Variants in ZYG11B observed in about 807,000 individuals in gnomAD.
The protein encoded by ZYG11B is protein zyg-11 homolog B.
Under a neutral mutation model 82.4 loss-of-function variants are expected in ZYG11B, and 36 were observed. The ratio of observed to expected loss-of-function variants is 0.44; its 90% CI spans 0.33 to 0.58. The LOEUF (loss-of-function observed/expected upper bound fraction) is 0.58, where lower values mean the gene tolerates loss of function less well. ZYG11B is among the 20% of genes least tolerant of loss of function. ZYG11B has a pLI of 0.02. For synonymous variants in ZYG11B, 303 were observed against 312.8 expected (o/e 0.97, Z 0.33); for missense variants, 552 against 895.6 (o/e 0.62, Z 4.90).
chr1:52,741,332 A>G (rs992104232), intron 1 of ZYG11B, among the ~76,000 whole-genome samples: 4 of 151,404 alleles, frequency 2.6e-5, no homozygotes, highest in Admixed American at 2.6e-4. Context: ...AAAGAAAAGA[A>G]AGTTTTTTAA....
At position 52,821,784 on chromosome 1, in the gene ZYG11B, G is replaced by T. The variant is rs992215169; in HGVS notation, c.*155G>T. The T allele has an allele frequency of 4.0e-5, 22 of 546,430 alleles. No individual in the cohort carries two copies. Among genetic ancestry groups the T allele is most frequent in the African/African-American group, 3.4e-4 (18 of 52,496 alleles). 33.8% of individuals were successfully genotyped at this position (546,430 alleles called of 1,614,324 possible). On this transcript the variant is annotated 3_prime_UTR_variant, in exon 14 of 14. Transcript: ENST00000294353. Reference sequence around the variant, plus strand: ...ATGTGTAGTACTGCCCATGTGAACAGTCTCTAATTTGTCTTGTGATTTTAA... The same window carrying T: ...ATGTGTAGTACTGCCCATGTGAACATTCTCTAATTTGTCTTGTGATTTTAA...
chr1:52,812,095 A>G (rs763161634), intron 10 of ZYG11B, among the ~76,000 whole-genome samples: 5 of 151,660 alleles, frequency 3.3e-5, no homozygotes, highest in Non-Finnish European at 5.9e-5. Context: ...TTTATGTCTG[A>G]ATTATATTTA....
chr1:52,771,057 C>A lies in ZYG11B; in HGVS notation c.234C>A (p.Gly78=). ...ATGGAACTGTGGGTATTTTTAGGGGCAACCAGATGCGCTTAAAGCGAGCCT... is the reference window on the plus strand; with the variant it reads ...ATGGAACTGTGGGTATTTTTAGGGGAAACCAGATGCGCTTAAAGCGAGCCT... ...LNDGTVGIFR[G]NQMRLKRACI... is the part of the protein sequence containing the mutation. The change falls in exon 3 of 14, where the codon GGC becomes GGA. Residue 78 remains glycine (G), a synonymous_variant. Transcript: ENST00000294353. This position sits in a 1 kb window ranked among gnomAD's most constrained non-coding sequence, Gnocchi z 5.4. 2.5e-6 allele frequency: 4 copies of A among 1,613,624 alleles called. No homozygotes were observed.
At chr1:52,783,788 T>TTATATATATATATA (rs760749281) in intron 4 of ZYG11B, among the ~76,000 whole-genome samples, 6 of 51,512 alleles carry the variant, frequency 1.2e-4, no homozygotes, top group African/African-American at 5.0e-4. Flanking sequence ...ATGCCCAGCT[T>TTATATATATATATA]TATATATATA....
chr1:52,769,953 T>C (rs570623450), intron 2 of ZYG11B, among the ~76,000 whole-genome samples: 1 of 152,052 alleles, frequency 6.6e-6, no homozygotes. Context: ...GAGTATCATA[T>C]GCTTGTGACA....
rs1389954554 is a variant in ZYG11B at position 52,822,848 on chromosome 1, A to G, written c.*1219A>G. 1.3e-5 allele frequency: 2 copies of G among 152,216 alleles called. No homozygotes were observed. The highest frequency in any genetic ancestry group is 2.9e-5 in the Non-Finnish European group (2 of 68,030). The allele number at this position is 152,216 out of a possible 1,614,324, so 9.4% of individuals were successfully genotyped here. On this transcript the variant is annotated 3_prime_UTR_variant, in exon 14 of 14. Coordinates refer to ENST00000294353, the MANE Select transcript of ZYG11B (RefSeq NM_024646.3). ...ATAGTAAAGAATCACTTATATCAGTAATAGCACTTGAGAGATAGCAAGTCA... is the reference window on the plus strand; with the variant it reads ...ATAGTAAAGAATCACTTATATCAGTGATAGCACTTGAGAGATAGCAAGTCA...
intron 1 of ZYG11B, among the ~76,000 whole-genome samples, chr1:52,743,043 C>A (rs1406731604): frequency 6.6e-6 from 1 of 151,936 alleles, no homozygotes; most frequent in Non-Finnish European, 1.5e-5. Flanking sequence ...GCCGCCACCC[C>A]ATCTGGGAGG....
At chr1:52,759,568 CTTG>C (rs1223105249) in intron 2 of ZYG11B, among the ~76,000 whole-genome samples, 8 of 152,242 alleles carry the variant, frequency 5.3e-5, no homozygotes, top group East Asian at 1.9e-4. Flanking sequence ...AGAAAAATAA[CTTG>C]TTGTCCCTAA....
At chr1:52,767,019 A>T (rs1458491463) in intron 2 of ZYG11B, among the ~76,000 whole-genome samples, 1 of 150,214 alleles carries the variant, frequency 6.7e-6, no homozygotes, top group Non-Finnish European at 1.5e-5. Flanking sequence ...AAAAAAAAAA[A>T]TTATTTTATT....
chr1:52,779,811 A>G (rs1369190498), intron 3 of ZYG11B, 42 bp from the exon 4 acceptor site: 4 of 1,609,402 alleles, frequency 2.5e-6, no homozygotes, highest in Non-Finnish European at 3.4e-6. Context: ...TTAGATAGAG[A>G]AAGAGAGAGA....
intron 5 of ZYG11B, among the ~76,000 whole-genome samples, chr1:52,787,045 G>A (rs1181829658): frequency 4.0e-5 from 6 of 151,644 alleles, no homozygotes; most frequent in African/African-American, 1.2e-4. Context: ...AGCCAAGATC[G>A]CACCATTGAA....
intron 1 of ZYG11B, among the ~76,000 whole-genome samples, chr1:52,729,376 C>T (rs188800531): frequency 8.8e-4 from 134 of 152,238 alleles, no homozygotes; most frequent in Non-Finnish European, 1.7e-3. Flanking sequence ...AACTTTGCAT[C>T]TAATTAACTT....
intron 2 of ZYG11B, among the ~76,000 whole-genome samples, chr1:52,759,580 A>G (rs1287432644): frequency 2.6e-5 from 4 of 152,118 alleles, no homozygotes; most frequent in Non-Finnish European, 5.9e-5. Context: ...TGTTGTCCCT[A>G]ATTGTGTTAC....
intron 1 of ZYG11B, among the ~76,000 whole-genome samples, chr1:52,743,811 A>G (rs1644454343): frequency 6.6e-6 from 1 of 152,160 alleles, no homozygotes; most frequent in Non-Finnish European, 1.5e-5. Context: ...CACATTCACT[A>G]TCACTGATTC....
At position 52,827,192 on chromosome 1, in the gene ZYG11B, G is replaced by GT. The variant is rs1645331946; in HGVS notation, c.*5565dup. 1 of 152,218 alleles carries GT rather than the reference G, an allele frequency of 6.6e-6. No homozygotes were observed. Among genetic ancestry groups the GT allele is most frequent in the South Asian group, 2.1e-4 (1 of 4,832 alleles). 9.4% of individuals were successfully genotyped at this position (152,218 alleles called of 1,614,324 possible). A position where few individuals can be genotyped will look rare whatever the true frequency, so the allele number is the denominator to read the frequency against. ...CTCAATTATCTGGACTGAAGGCACTGTTCTCACTATGGCCAGATGAATGGG... is the reference window on the plus strand; with the variant it reads ...CTCAATTATCTGGACTGAAGGCACTGTTTCTCACTATGGCCAGATGAATGGG... On this transcript the variant is annotated 3_prime_UTR_variant, in exon 14 of 14. Transcript: ENST00000294353.
intron 13 of ZYG11B, among the ~76,000 whole-genome samples, chr1:52,819,389 C>T (rs923630287): frequency 1.3e-5 from 2 of 151,990 alleles, no homozygotes; most frequent in African/African-American, 4.8e-5. Flanking sequence ...AACAGTTGAT[C>T]CCATCATATT....
chr1:52,813,330 T>G (rs1262112008), intron 10 of ZYG11B, among the ~76,000 whole-genome samples: 1 of 152,180 alleles, frequency 6.6e-6, no homozygotes, highest in African/African-American at 2.4e-5. Flanking sequence ...CTATGATCTC[T>G]GTTTCAACAA....
chr1:52,735,697 C>T (rs913024087), intron 1 of ZYG11B, among the ~76,000 whole-genome samples: 7 of 151,964 alleles, frequency 4.6e-5, no homozygotes, highest in African/African-American at 9.7e-5. Context: ...CTGCCATGCC[C>T]GGCTAATTTT....
In ZYG11B at chr1:52,727,236, C is replaced by T. The variant is rs548858220; in HGVS notation, c.30+553C>T. On this transcript the variant is annotated intron_variant, in intron 1 of 13. Coordinates refer to ENST00000294353, the MANE Select transcript of ZYG11B (RefSeq NM_024646.3). ...TCGCAGCTGTCCCCATTTCCTTCTA[C>T]GGGCTTCAGGGGTCTAAGCAGGAAC... 5.3e-5 allele frequency among the ~76,000 whole-genome samples: 8 copies of T among 152,168 alleles called. No homozygotes were observed. The East Asian group carries it at 1.5e-3, about 29-fold the overall frequency.
Sources: allele counts gnomAD v4.1 joint callset (sites outside exome capture counted in the v4.1 genomes callset), GRCh38; gene constraint gnomAD v4.1.1; non-coding constraint Gnocchi (gnomAD v3.1); transcripts MANE v1.5; gene names NCBI Gene and HGNC (gene_info 2026-07-23, HGNC 2026-07-21).